The following FLYWCH1 variants were observed in gnomAD, a reference collection of about 807,000 sequenced individuals.
The protein encoded by FLYWCH1 is FLYWCH-type zinc finger 1, also known as FLYWCH-type zinc finger-containing protein 1.
FLYWCH1 carries 75 observed loss-of-function variants against 66.4 expected under a neutral mutation model. The ratio of observed to expected loss-of-function variants is 1.13; its 90% confidence interval spans 0.94 to 1.37. The LOEUF is 1.37. Ranked by LOEUF, FLYWCH1 falls within the 40% of genes most tolerant of loss-of-function variation. The probability of loss-of-function intolerance (pLI) is 0.00; values close to 1 mark genes in which losing one functional copy is unlikely to be tolerated. For synonymous variants in FLYWCH1, 595 were observed against 429.9 expected, an observed-to-expected ratio of 1.38 and a Z score of -4.75; for missense variants, 1,334 against 1,001.8, an observed-to-expected ratio of 1.33 and a Z score of -4.48.
chr16:2,929,560 C>G lies in FLYWCH1; in HGVS notation c.-73-53C>G, dbSNP rs1452301725. The G allele has an allele frequency of 3.1e-6, 4 of 1,270,812 alleles. No individual in the cohort carries two copies. In the South Asian group the frequency reaches 6.0e-5, roughly 19 times the overall value. The allele number at this position is 1,270,812 out of a possible 1,614,324, so 78.7% of individuals were successfully genotyped here. ...CCCCACCTCCCTCCCAGATCCACGT[C>G]TAGAGTCCCCCAAGGGCTTCCACCA... On this transcript the variant is annotated intron_variant, in intron 2 of 9. Coordinates refer to ENST00000253928, the MANE Select transcript of FLYWCH1 (RefSeq NM_001308068.2).
At position 2,929,888 on chromosome 16, in the gene FLYWCH1, T is replaced by A. The variant is rs2070701345; in HGVS notation, c.203T>A (p.Leu68Gln). 3 of 1,613,816 alleles carry A rather than the reference T, an allele frequency of 1.9e-6. No homozygotes were observed. Among genetic ancestry groups the A allele is most frequent in the Non-Finnish European group, 2.5e-6 (3 of 1,179,866 alleles). Residue 68 changes from leucine to glutamine, a missense_variant, in exon 3 of 10, where the codon CTG becomes CAG. Coordinates refer to ENST00000253928, the MANE Select transcript of FLYWCH1 (RefSeq NM_001308068.2). ...KPQEVHCVLSLEMAGPATLAS... is the reference protein window; with the variant it reads ...KPQEVHCVLSQEMAGPATLAS... ...CAGGAAGTGCACTGCGTCCTGTCCCTGGAGATGGCTGGCCCCGCCACCCTC... is the reference window on the plus strand; with the variant it reads ...CAGGAAGTGCACTGCGTCCTGTCCCAGGAGATGGCTGGCCCCGCCACCCTC...
intron 2 of FLYWCH1, among the ~76,000 whole-genome samples, chr16:2,925,194 G>A (rs1374718901): frequency 6.6e-6 from 1 of 152,232 alleles, no homozygotes; most frequent in Non-Finnish European, 1.5e-5. Flanking sequence ...GGCTGGGAGG[G>A]AGGCCGGGAA....
At position 2,937,356 on chromosome 16, in the gene FLYWCH1, C is replaced by G; in HGVS notation, c.1749C>G (p.Phe583Leu). ...AGGCCCTGCGGCAGCGGGAGCACTT[C>G]CCCAACCTGGCGCAGTGGGACAGCC... ...GLEALRQREH[F>L]PNLAQWDSPD... is the part of the protein sequence containing the mutation. Residue 583 changes from phenylalanine (F) to leucine (L), a missense_variant, in exon 7 of 10, where the codon TTC becomes TTG. Coordinates refer to ENST00000253928, the MANE Select transcript of FLYWCH1 (RefSeq NM_001308068.2). The G allele has an allele frequency of 6.3e-7, 1 of 1,586,518 alleles. No individual in the cohort carries two copies. The highest frequency in any genetic ancestry group is 1.1e-5 in the South Asian group (1 of 87,678).
At chr16:2,946,157 G>A (rs2071477764) in intron 9 of FLYWCH1, among the ~76,000 whole-genome samples, 2 of 152,082 alleles carry the variant, frequency 1.3e-5, no homozygotes, top group South Asian at 2.1e-4. Flanking sequence ...ACTGAAGAAA[G>A]TGTTTAAAAA....
intron 6 of FLYWCH1, chr16:2,935,659 C>G (rs932886221): frequency 2.6e-5 from 4 of 152,174 alleles, no homozygotes; most frequent in African/African-American, 9.7e-5. Context: ...CGTGGTGTCA[C>G]AGGTGCAGAG....
chr16:2,947,590 A>G (rs1039365164), intron 9 of FLYWCH1, among the ~76,000 whole-genome samples: 1 of 151,766 alleles, frequency 6.6e-6, no homozygotes, highest in Non-Finnish European at 1.5e-5. Context: ...GTGAAACCCC[A>G]TCTCTACTAA....
intron 2 of FLYWCH1, among the ~76,000 whole-genome samples, chr16:2,927,341 A>G (rs2070606687): frequency 6.6e-6 from 1 of 152,220 alleles, no homozygotes; most frequent in Admixed American, 6.5e-5. Flanking sequence ...CGGCCGGGGA[A>G]GGGGCTCCAG....
intron 2 of FLYWCH1, chr16:2,922,580 C>T: frequency 3.1e-6 from 1 of 322,288 alleles, no homozygotes; most frequent in East Asian, 9.4e-5. Context: ...TCCCCTTGTG[C>T]CTGGCATGTC....
chr16:2,945,794 A>C (rs140791300), intron 9 of FLYWCH1, among the ~76,000 whole-genome samples: 7 of 152,076 alleles, frequency 4.6e-5, no homozygotes, highest in Non-Finnish European at 5.9e-5. Context: ...TCAGGAGATC[A>C]AGACCATCCT....
intron 3 of FLYWCH1, 50 bp from the exon 4 acceptor site, chr16:2,930,360 A>G (rs11643417): frequency 0.061 from 73,631 of 1,204,816 alleles, 2,507 homozygotes; most frequent in Middle Eastern, 0.11. Flanking sequence ...TGTGCCTGCG[A>G]CCCTGAGCTT....
intron 2 of FLYWCH1, among the ~76,000 whole-genome samples, chr16:2,918,539 C>G (rs998199732): frequency 2.6e-5 from 4 of 151,314 alleles, no homozygotes; most frequent in Middle Eastern, 3.4e-3. Flanking sequence ...CTCCCGGTTT[C>G]GAGTGACTCT....
chr16:2,921,890 C>A (rs1318417799), intron 2 of FLYWCH1, among the ~76,000 whole-genome samples: 5 of 151,958 alleles, frequency 3.3e-5, no homozygotes, highest in African/African-American at 1.2e-4. Flanking sequence ...GGTGAAACCC[C>A]ATCTCTACTA....
rs758203684 is a variant in FLYWCH1 at position 2,938,456 on chromosome 16, G to C, written c.2050G>C (p.Glu684Gln). Residue 684 changes from glutamate (E) to glutamine (Q), a missense_variant and splice_region_variant, in exon 8 of 10, where the codon GAA becomes CAA. Glu to Gln is a conservative substitution (Grantham distance 29). Transcript: ENST00000253928. ...CACCACGGCCCAGCAGGAGGACCCA[G>C]GTACAGGCAGGCTGTGGGGCAGAGG... ...LPTTAQQEDP[E>Q]KIQVQLCFKT... The C allele has an allele frequency of 1.1e-5, 16 of 1,519,924 alleles. No individual in the cohort carries two copies. The highest frequency in any genetic ancestry group is 8.3e-5 in the African/African-American group (6 of 71,878). 94.2% of individuals were successfully genotyped at this position (1,519,924 alleles called of 1,614,324 possible). A position where few individuals can be genotyped will look rare whatever the true frequency, so the allele number is the denominator to read the frequency against.
Position 2,933,501 on chromosome 16 carries a change from A to C in FLYWCH1, c.1168A>C (p.Lys390Gln). ...GACTCTCACCAGGCCTCGGCCCAGA[A>C]AGCGAGCAAAGGTCGAAGACCAGGA... ...PLTLTRPRPRKRAKVEDQELP... is the reference protein window; with the variant it reads ...PLTLTRPRPRQRAKVEDQELP... Residue 390 changes from lysine to glutamine, a missense_variant, in exon 5 of 10, where the codon AAG becomes CAG. By Grantham distance (53) the Lys-to-Gln change is moderately conservative. Coordinates refer to ENST00000253928, the MANE Select transcript of FLYWCH1 (RefSeq NM_001308068.2). 6.2e-7 allele frequency: 1 copy of C among 1,611,508 alleles called. No individual in the cohort carries two copies. Among genetic ancestry groups the C allele is most frequent in the Non-Finnish European group, 8.5e-7 (1 of 1,179,098 alleles).
At position 2,950,149 on chromosome 16, in the gene FLYWCH1, G is replaced by C. The variant is rs911417433; in HGVS notation, c.*1422G>C. 6.6e-6 allele frequency: 1 copy of C among 152,278 alleles called. No individual in the cohort carries two copies. The highest frequency in any genetic ancestry group is 2.4e-5 in the African/African-American group (1 of 41,452). 9.4% of individuals were successfully genotyped at this position (152,278 alleles called of 1,614,324 possible). On this transcript the variant is annotated 3_prime_UTR_variant, in exon 10 of 10. Transcript: ENST00000253928. ...CGCCTAGACTCATCTGCATAAGCCT[G>C]GGCAAGTGGCACCCCTGGGCCAAGG...
At chr16:2,921,002 C>A (rs1040374582) in intron 2 of FLYWCH1, among the ~76,000 whole-genome samples, 1 of 151,900 alleles carries the variant, frequency 6.6e-6, no homozygotes, top group Non-Finnish European at 1.5e-5. Context: ...CCACCACGCC[C>A]AGTTAATTTT....
In FLYWCH1 at chr16:2,938,607, G is replaced by GTTT. The variant is rs35169451; in HGVS notation, c.2050+172_2050+174dup. ...TAAACAGAATGTGAAACCAGTCTTT[G>GTTT]TTTTTTTTTTTTTTTTTTTTTTTGA... On this transcript the variant is annotated intron_variant, in intron 8 of 9. Coordinates refer to ENST00000253928, the MANE Select transcript of FLYWCH1 (RefSeq NM_001308068.2). Among the ~76,000 whole-genome samples, 266 of 129,126 alleles carry GTTT rather than the reference G, an allele frequency of 2.1e-3. 1 individual carries two copies. Among genetic ancestry groups the GTTT allele is most frequent in the Non-Finnish European group, 3.1e-3 (192 of 60,966 alleles). The allele number at this position is 129,126 out of a possible 152,430, so 84.7% of individuals were successfully genotyped here. A position where few individuals can be genotyped will look rare whatever the true frequency, so the allele number is the denominator to read the frequency against.
chr16:2,944,080 A>G (rs1440285595), intron 9 of FLYWCH1, among the ~76,000 whole-genome samples: 1 of 152,070 alleles, frequency 6.6e-6, no homozygotes, highest in East Asian at 1.9e-4. Flanking sequence ...CAGCGGACGG[A>G]GAGAGAACCT....
chr16:2,915,695 G>T (rs993990727), intron 2 of FLYWCH1, among the ~76,000 whole-genome samples: 1 of 151,674 alleles, frequency 6.6e-6, no homozygotes, highest in African/African-American at 2.4e-5. Context: ...ATCACGGGAG[G>T]CAGAGGCACC....
Sources: gnomAD v4.1 joint callset for allele counts (sites outside exome capture counted in the v4.1 genomes callset) on GRCh38, gnomAD v4.1.1 for gene constraint, MANE v1.5 for transcripts, NCBI Gene and HGNC (gene_info 2026-07-23, HGNC 2026-07-21) for gene names.